Variants in DYNC1I1 observed in about 807,000 individuals in gnomAD.
The protein encoded by DYNC1I1 is cytoplasmic dynein 1 intermediate chain 1.
In DYNC1I1, 43 loss-of-function variants were observed where a neutral mutation model predicts 86.6. The observed-to-expected ratio is 0.50, with a 90% CI of 0.39 to 0.64. DYNC1I1 has a LOEUF of 0.64. Among genes scored for constraint, DYNC1I1 ranks in the 30% least tolerant of loss-of-function variants. The pLI is 0.00. For synonymous variants in DYNC1I1, 262 were observed against 283.7 expected (o/e 0.92, Z 0.77); for missense variants, 604 against 788.8 (o/e 0.77, Z 2.81).
chr7:96,107,013 C>T (rs1396946444), intron 16 of DYNC1I1, among the ~76,000 whole-genome samples: 1 of 150,824 alleles, frequency 6.6e-6, no homozygotes, highest in Non-Finnish European at 1.5e-5. Context: ...TCTTTTAGTT[C>T]TCTCCATTTT....
chr7:95,977,623 G>C (rs748574401), intron 7 of DYNC1I1, 22 bp downstream of exon 7: 2 of 1,600,164 alleles, frequency 1.2e-6, no homozygotes, highest in Admixed American at 1.7e-5. Context: ...AAAATAAACT[G>C]AGTAATCATT....
chr7:96,018,329 T>C (rs751502065), intron 10 of DYNC1I1, among the ~76,000 whole-genome samples: 1 of 152,234 alleles, frequency 6.6e-6, no homozygotes, highest in Non-Finnish European at 1.5e-5. Context: ...AGCCAAGCTG[T>C]GGTTCAAATC....
At chr7:96,089,582 C>T (rs1215553073) in intron 16 of DYNC1I1, among the ~76,000 whole-genome samples, 1 of 152,098 alleles carries the variant, frequency 6.6e-6, no homozygotes, top group Non-Finnish European at 1.5e-5. Flanking sequence ...CCCAGTTTCC[C>T]TCCCCTCCTG....
chr7:96,014,028 C>G (rs1794343310), intron 10 of DYNC1I1, among the ~76,000 whole-genome samples: 1 of 152,150 alleles, frequency 6.6e-6, no homozygotes. Context: ...TGTCCCTTCC[C>G]CACAACCTTT....
intron 1 of DYNC1I1, among the ~76,000 whole-genome samples, chr7:95,796,562 T>C (rs1422881821): frequency 6.6e-6 from 1 of 152,152 alleles, no homozygotes; most frequent in African/African-American, 2.4e-5. Context: ...CTCCCAGGTA[T>C]TTTTAAATCA....
intron 5 of DYNC1I1, among the ~76,000 whole-genome samples, chr7:95,841,314 C>T (rs1789274856): frequency 6.6e-6 from 1 of 152,148 alleles, no homozygotes; most frequent in South Asian, 2.1e-4. Context: ...ACTGCCTGCC[C>T]TGTTAGCTCC....
At chr7:95,871,619 A>T (rs1790171356) in intron 6 of DYNC1I1, among the ~76,000 whole-genome samples, 2 of 152,320 alleles carry the variant, frequency 1.3e-5, no homozygotes, top group South Asian at 4.1e-4. Flanking sequence ...ATTTTTTAAA[A>T]TGTGTACTTA....
intron 1 of DYNC1I1, among the ~76,000 whole-genome samples, chr7:95,781,011 A>T (rs1452473465): frequency 6.6e-6 from 1 of 152,200 alleles, no homozygotes; most frequent in Non-Finnish European, 1.5e-5. Flanking sequence ...ACAACAAAAA[A>T]AAAAACCTTC....
intron 5 of DYNC1I1, among the ~76,000 whole-genome samples, chr7:95,867,435 C>T (rs1193159171): frequency 1.3e-5 from 2 of 152,178 alleles, no homozygotes; most frequent in African/African-American, 4.8e-5. Flanking sequence ...TTTTCCCCTA[C>T]CATTCAGCTG....
At chr7:95,849,373 A>G (rs1446087935) in intron 5 of DYNC1I1, among the ~76,000 whole-genome samples, 1 of 152,056 alleles carries the variant, frequency 6.6e-6, no homozygotes, top group Non-Finnish European at 1.5e-5. Context: ...TCTTTAATCA[A>G]TTTTGAGGGA....
At chr7:95,843,787 C>T (rs1165385908) in intron 5 of DYNC1I1, among the ~76,000 whole-genome samples, 2 of 151,994 alleles carry the variant, frequency 1.3e-5, no homozygotes, top group Non-Finnish European at 2.9e-5. Flanking sequence ...CAAATACATA[C>T]GGAAGTACCA....
At chr7:96,010,804 T>C (rs541599150) in intron 10 of DYNC1I1, among the ~76,000 whole-genome samples, 1 of 152,352 alleles carries the variant, frequency 6.6e-6, no homozygotes, top group South Asian at 2.1e-4. Context: ...TGACTGTCTA[T>C]ACAGGGCTGA....
At position 96,074,112 on chromosome 7, in the gene DYNC1I1, T is replaced by G. The variant is rs1202871669; in HGVS notation, c.1510-1945T>G. ...AAAAAACTATAAGGCTAATGTCCAG[T>G]TGATCATTTTGTTATCTCAATGTCA... On this transcript the variant is annotated intron_variant, in intron 14 of 16. Coordinates refer to ENST00000447467, the MANE Select transcript of DYNC1I1 (RefSeq NM_001135556.2). Among the ~76,000 whole-genome samples, 3 of 152,358 alleles carry G rather than the reference T, an allele frequency of 2.0e-5. No individual in the cohort carries two copies. The Middle Eastern group carries it at 0.01, about 518-fold the overall frequency.
chr7:96,067,850 C>T (rs893437510), intron 14 of DYNC1I1, among the ~76,000 whole-genome samples: 3 of 152,048 alleles, frequency 2.0e-5, no homozygotes, highest in African/African-American at 7.2e-5. Context: ...ACCTCCTCCT[C>T]CTAAGTAATA....
At chr7:96,081,627 C>T (rs1356970839) in intron 16 of DYNC1I1, among the ~76,000 whole-genome samples, 1 of 152,104 alleles carries the variant, frequency 6.6e-6, no homozygotes. Flanking sequence ...CATTTGTATG[C>T]ATAGCATCCT....
chr7:96,098,906 G>T (rs1335528738), downstream of DYNC1I1, among the ~76,000 whole-genome samples: 3 of 152,272 alleles, frequency 2.0e-5, no homozygotes, highest in Middle Eastern at 3.4e-3. Context: ...TTTAGGAAGG[G>T]AATTCCCATT....
chr7:95,914,351 C>T (rs1382083816), intron 6 of DYNC1I1, among the ~76,000 whole-genome samples: 2 of 152,146 alleles, frequency 1.3e-5, no homozygotes, highest in Admixed American at 6.5e-5. Context: ...TTATAGGCCA[C>T]TTGAAATCCT....
chr7:96,097,969 G>A lies in DYNC1I1; in HGVS notation c.*376G>A. On this transcript the variant is annotated 3_prime_UTR_variant, in exon 17 of 17. Transcript: ENST00000447467. ...CATATGAAGCCAGATATGATTGGGT[G>A]CAGATGTGGTGTTCCTCATATTATG... 1 of 1,008,444 alleles carries A rather than the reference G, an allele frequency of 9.9e-7. No individual in the cohort carries two copies. Among genetic ancestry groups the A allele is most frequent in the Non-Finnish European group, 1.2e-6 (1 of 843,258 alleles). 62.5% of individuals were successfully genotyped at this position (1,008,444 alleles called of 1,614,324 possible).
intron 14 of DYNC1I1, among the ~76,000 whole-genome samples, chr7:96,040,097 G>C (rs553964289): frequency 6.6e-6 from 1 of 151,992 alleles, no homozygotes; most frequent in Non-Finnish European, 1.5e-5. Flanking sequence ...AGCTACATAT[G>C]GTGGTACATG....
Sources: allele counts gnomAD v4.1 joint callset (sites outside exome capture counted in the v4.1 genomes callset), GRCh38; gene constraint gnomAD v4.1.1; transcripts MANE v1.5; gene names NCBI Gene and HGNC (gene_info 2026-07-23, HGNC 2026-07-21).